WSB2: variants seen among roughly 807,000 people sequenced by gnomAD.
WSB2 encodes WD repeat and SOCS box-containing protein 2.
WSB2 carries 12 observed loss-of-function variants against 48.8 expected under a neutral mutation model. The observed-to-expected ratio is 0.25, with a 90% CI of 0.16 to 0.40. WSB2 has a LOEUF of 0.40. WSB2 is among the 10% of genes least tolerant of loss of function. WSB2 has a pLI of 1.00. For missense variants in WSB2, 317 were observed against 506.2 expected, an observed-to-expected ratio of 0.63 and a Z score of 3.59; for synonymous variants, 191 against 203.1, an observed-to-expected ratio of 0.94 and a Z score of 0.51.
intron 2 of WSB2, among the ~76,000 whole-genome samples, chr12:118,049,218 A>G (rs2031802604): frequency 6.6e-6 from 1 of 152,230 alleles, no homozygotes. Context: ...TGACCACAGA[A>G]GAAACTGAAA....
At chr12:118,054,217 C>CAAA (rs61421772) in intron 1 of WSB2, among the ~76,000 whole-genome samples, 7,629 of 55,978 alleles carry the variant, frequency 0.14, 394 homozygotes, top group Non-Finnish European at 0.17. Flanking sequence ...ACTAAAAATC[C>CAAA]AAAAAAAAAA....
At chr12:118,057,882 C>T (rs2031986718) in intron 1 of WSB2, among the ~76,000 whole-genome samples, 1 of 150,932 alleles carries the variant, frequency 6.6e-6, no homozygotes, top group Non-Finnish European at 1.5e-5. Flanking sequence ...CCTCAGCCTC[C>T]TGTGTATCGG....
At chr12:118,043,580 G>C (rs1290957930) in intron 2 of WSB2, among the ~76,000 whole-genome samples, 1 of 152,132 alleles carries the variant, frequency 6.6e-6, no homozygotes, top group African/African-American at 2.4e-5. Flanking sequence ...AAGTAGCTAG[G>C]ACGACAGGCA....
intron 4 of WSB2, among the ~76,000 whole-genome samples, chr12:118,040,240 T>C (rs551986811): frequency 1.3e-5 from 2 of 152,162 alleles, no homozygotes; most frequent in East Asian, 3.9e-4. Context: ...ACTGAATAAA[T>C]TAAGGCATGT....
At chr12:118,041,457 C>T (rs191464363) in intron 4 of WSB2, among the ~76,000 whole-genome samples, 91 of 152,312 alleles carry the variant, frequency 6.0e-4, no homozygotes, top group Middle Eastern at 3.4e-3. Context: ...CACCCAGTCT[C>T]TGGCATTGAC....
rs189772207 is a variant in WSB2, at chr12:118,043,203, G to A, written c.357C>T (p.Pro119=). 124 of 1,614,194 alleles carry A rather than the reference G, an allele frequency of 7.7e-5. 1 individual carries two copies. The East Asian group carries it at 2.5e-3, about 32-fold the overall frequency. ...TAGCAAGAACCAGGCAAGAGACATC[G>A]GGCACTTGGGGGTGGTGGCGTGCCC... is the stretch of plus-strand genomic sequence containing the variant. ...KLWARHHPQV[P]DVSCLVLATG... Residue 119 remains proline (P), a synonymous_variant, in exon 3 of 9, where the codon CCC becomes CCT. Transcript: ENST00000315436.
Position 118,060,876 on chromosome 12 carries a change from C to G in WSB2, c.13+160G>C, listed in dbSNP as rs901130053. Among the ~76,000 whole-genome samples the G allele has an allele frequency of 3.3e-5, 5 of 150,618 alleles. No homozygotes were observed. Among genetic ancestry groups the G allele is most frequent in the Non-Finnish European group, 7.4e-5 (5 of 67,306 alleles). On this transcript the variant is annotated intron_variant, in intron 1 of 8. Coordinates refer to ENST00000315436, the MANE Select transcript of WSB2 (RefSeq NM_018639.5). This position sits in a 1 kb window ranked among gnomAD's most constrained non-coding sequence, Gnocchi z 4.1. Reference sequence around the variant, plus strand: ...AACAAAGCTGGTCGCCGGGCGCGCACCCCCGCCGGCCCCGCGCGGACCTCC... The same window carrying G: ...AACAAAGCTGGTCGCCGGGCGCGCAGCCCCGCCGGCCCCGCGCGGACCTCC...
At chr12:118,038,880 C>T (rs575835132) in intron 4 of WSB2, among the ~76,000 whole-genome samples, 26 of 152,208 alleles carry the variant, frequency 1.7e-4, no homozygotes, top group Non-Finnish European at 3.1e-4. Context: ...AGGGTTTCAC[C>T]ATATTGGCCA....
intron 2 of WSB2, among the ~76,000 whole-genome samples, chr12:118,046,232 G>A (rs1315132446): frequency 6.6e-6 from 1 of 152,074 alleles, no homozygotes; most frequent in Non-Finnish European, 1.5e-5. Context: ...AGGCTGAGGC[G>A]GGCGGATCAC....
chr12:118,057,541 C>T (rs1431010202), intron 1 of WSB2, among the ~76,000 whole-genome samples: 1 of 152,096 alleles, frequency 6.6e-6, no homozygotes, highest in Non-Finnish European at 1.5e-5. Context: ...TCCCAAAGTG[C>T]TGGGATTGCA....
At chr12:118,036,306 CAA>C (rs759057347) in intron 6 of WSB2, 30 bp downstream of exon 6, 131 of 1,598,834 alleles carry the variant, frequency 8.2e-5, no homozygotes, top group Non-Finnish European at 1.1e-4. Flanking sequence ...AGTCCCCCCA[CAA>C]AAAAGTCATA....
chr12:118,054,217 C>CAAAATAAAAAA (rs2031909229), intron 1 of WSB2, among the ~76,000 whole-genome samples: 1 of 56,068 alleles, frequency 1.8e-5, no homozygotes, highest in East Asian at 4.6e-4. Context: ...ACTAAAAATC[C>CAAAATAAAAAA]AAAAAAAAAA....
chr12:118,038,413 T>C, intron 4 of WSB2, 25 bp from the exon 5 acceptor site: 2 of 1,608,760 alleles, frequency 1.2e-6, no homozygotes, highest in South Asian at 1.1e-5. Flanking sequence ...AAGCAAACAA[T>C]GAGCCAGTCC....
intron 1 of WSB2, among the ~76,000 whole-genome samples, chr12:118,057,118 A>G (rs1244448211): frequency 6.6e-6 from 1 of 152,142 alleles, no homozygotes; most frequent in East Asian, 1.9e-4. Flanking sequence ...GGCCCAAACT[A>G]AACTTGGCTA....
upstream of WSB2, among the ~76,000 whole-genome samples, chr12:118,061,933 G>T (rs1038309920): frequency 6.7e-6 from 1 of 149,794 alleles, no homozygotes; most frequent in Non-Finnish European, 1.5e-5. Flanking sequence ...GTCAAGGCTA[G>T]GGTAAAACAA....
chr12:118,045,835 C>T (rs2031734526), intron 2 of WSB2, among the ~76,000 whole-genome samples: 1 of 152,116 alleles, frequency 6.6e-6, no homozygotes, highest in African/African-American at 2.4e-5. Context: ...AAACTTTATA[C>T]CTTTGATCAA....
chr12:118,043,443 G>C lies in WSB2; in HGVS notation c.183-66C>G, dbSNP rs1400495714. 3.3e-6 allele frequency: 5 copies of C among 1,507,200 alleles called. No individual in the cohort carries two copies. The African/African-American group carries it at 4.2e-5, about 13-fold the overall frequency. 93.4% of individuals were successfully genotyped at this position (1,507,200 alleles called of 1,614,324 possible). ...ACCAGTCTATCAACTTTTCATCCTG[G>C]GACACGTAAGACTTTTGGGGAGTGG... On this transcript the variant is annotated intron_variant, in intron 2 of 8. Coordinates refer to ENST00000315436, the MANE Select transcript of WSB2 (RefSeq NM_018639.5).
At chr12:118,054,043 TAA>T (rs2031903712) in intron 1 of WSB2, among the ~76,000 whole-genome samples, 1 of 151,920 alleles carries the variant, frequency 6.6e-6, no homozygotes, top group South Asian at 2.1e-4. Context: ...TTGGATTCAA[TAA>T]AACAGATGGT....
chr12:118,050,828 G>A (rs2031837616), intron 2 of WSB2, among the ~76,000 whole-genome samples: 2 of 152,126 alleles, frequency 1.3e-5, no homozygotes, highest in South Asian at 4.1e-4. Context: ...AAGGCAGGTG[G>A]ATCACCTGAG....
Sources: gnomAD v4.1 joint callset for allele counts (sites outside exome capture counted in the v4.1 genomes callset) on GRCh38, gnomAD v4.1.1 for gene constraint, Gnocchi (gnomAD v3.1) non-coding constraint, MANE v1.5 for transcripts, NCBI Gene and HGNC (gene_info 2026-07-23, HGNC 2026-07-21) for gene names.